NKAIN2: variants seen among roughly 807,000 people sequenced by gnomAD.
NKAIN2 encodes the protein sodium/potassium transporting ATPase interacting 2, also known as sodium/potassium-transporting ATPase subunit beta-1-interacting protein 2.
In NKAIN2, 14 loss-of-function variants were observed where a neutral mutation model predicts 32.6. The ratio of observed to expected loss-of-function variants is 0.43; its 90% CI spans 0.28 to 0.67. The LOEUF (loss-of-function observed/expected upper bound fraction) is 0.67. NKAIN2 is among the 30% of genes least tolerant of loss of function. The probability of loss-of-function intolerance (pLI) is 0.17; values close to 1 mark genes in which losing one functional copy is unlikely to be tolerated. For synonymous variants in NKAIN2, 80 were observed against 87.2 expected (o/e 0.92, Z 0.46); for missense variants, 198 against 258.3 (o/e 0.77, Z 1.60).
At chr6:123,930,057 G>C (rs1390083248) in intron 1 of NKAIN2, among the ~76,000 whole-genome samples, 2 of 152,138 alleles carry the variant, frequency 1.3e-5, no homozygotes, top group South Asian at 4.1e-4. Flanking sequence ...TCTTGGTCTT[G>C]TACAATGTTG....
At chr6:124,744,058 A>C (rs931970559) in intron 4 of NKAIN2, among the ~76,000 whole-genome samples, 1 of 151,930 alleles carries the variant, frequency 6.6e-6, no homozygotes, top group Non-Finnish European at 1.5e-5. Flanking sequence ...AAGTTATAGT[A>C]AGAAAATTTT....
chr6:124,429,100 G>T (rs1286600318), intron 3 of NKAIN2, among the ~76,000 whole-genome samples: 4 of 152,078 alleles, frequency 2.6e-5, no homozygotes, highest in African/African-American at 9.6e-5. Context: ...TGCAATGGTG[G>T]GATCTCTGCT....
At chr6:124,264,846 C>G (rs150882101) in intron 1 of NKAIN2, among the ~76,000 whole-genome samples, 343 of 152,294 alleles carry the variant, frequency 2.3e-3, no homozygotes, top group African/African-American at 7.8e-3. Context: ...TTGAACTTGT[C>G]TGTGCCAGCT....
chr6:123,858,361 C>G (rs1405121147), intron 1 of NKAIN2, among the ~76,000 whole-genome samples: 2 of 152,064 alleles, frequency 1.3e-5, no homozygotes, highest in Non-Finnish European at 2.9e-5. Context: ...GGTGATCTGC[C>G]CGCCTCGGCC....
chr6:124,578,317 G>A (rs1261597713), intron 3 of NKAIN2, among the ~76,000 whole-genome samples: 1 of 151,792 alleles, frequency 6.6e-6, no homozygotes, highest in African/African-American at 2.4e-5. Context: ...GACCTGCTCT[G>A]CTCTGGGTCA....
At chr6:123,911,882 AG>A (rs1433892089) in intron 1 of NKAIN2, among the ~76,000 whole-genome samples, 1 of 142,006 alleles carries the variant, frequency 7.0e-6, no homozygotes, top group Non-Finnish European at 1.5e-5. Flanking sequence ...CCAACCCCCA[AG>A]GGCATATTTT....
chr6:124,716,661 C>G (rs1775771166), intron 4 of NKAIN2, among the ~76,000 whole-genome samples: 1 of 152,138 alleles, frequency 6.6e-6, no homozygotes, highest in Admixed American at 6.6e-5. Flanking sequence ...CAAGAACACT[C>G]CAGTCTTAGG....
chr6:124,821,937 C>T (rs777968423), intron 6 of NKAIN2, among the ~76,000 whole-genome samples: 73 of 152,272 alleles, frequency 4.8e-4, no homozygotes, highest in African/African-American at 1.7e-3. Context: ...TGATTATCAA[C>T]GGGTTTTCCT....
chr6:123,984,012 G>T (rs1458420356), intron 1 of NKAIN2, among the ~76,000 whole-genome samples: 3 of 151,880 alleles, frequency 2.0e-5, no homozygotes, highest in Non-Finnish European at 4.4e-5. Flanking sequence ...GGTTCAAGCG[G>T]TTCTCCTGCC....
chr6:124,487,155 C>A (rs538536259), intron 3 of NKAIN2, among the ~76,000 whole-genome samples: 77 of 151,932 alleles, frequency 5.1e-4, no homozygotes, highest in African/African-American at 1.8e-3. Context: ...GTCAGTGTTC[C>A]CAGAGTTGTC....
chr6:124,174,593 T>C (rs563022316), intron 1 of NKAIN2, among the ~76,000 whole-genome samples: 104 of 152,302 alleles, frequency 6.8e-4, no homozygotes, highest in Admixed American at 1.6e-3. Context: ...CTCCACCCTT[T>C]TCTAATTCCT....
At chr6:124,597,237 A>C (rs1042045341) in intron 3 of NKAIN2, among the ~76,000 whole-genome samples, 6 of 152,200 alleles carry the variant, frequency 3.9e-5, no homozygotes, top group African/African-American at 1.4e-4. Flanking sequence ...GAGACATTTA[A>C]AAATAAACAG....
chr6:124,031,914 G>A (rs1781423549), intron 1 of NKAIN2, among the ~76,000 whole-genome samples: 1 of 151,938 alleles, frequency 6.6e-6, no homozygotes, highest in Non-Finnish European at 1.5e-5. Flanking sequence ...CCATTACCGG[G>A]TATATACCCA....
intron 1 of NKAIN2, among the ~76,000 whole-genome samples, chr6:124,236,088 G>C (rs1782047545): frequency 6.6e-6 from 1 of 151,966 alleles, no homozygotes; most frequent in Non-Finnish European, 1.5e-5. Context: ...ATAACATCTA[G>C]TAAAGACTAT....
chr6:124,079,752 C>A (rs930229531), intron 1 of NKAIN2, among the ~76,000 whole-genome samples: 3 of 152,066 alleles, frequency 2.0e-5, no homozygotes, highest in Non-Finnish European at 4.4e-5. Flanking sequence ...TTGTTCTGGG[C>A]ATGCCATTTA....
intron 1 of NKAIN2, among the ~76,000 whole-genome samples, chr6:123,843,594 C>T (rs538840282): frequency 1.4e-4 from 22 of 152,210 alleles, no homozygotes; most frequent in African/African-American, 5.1e-4. Flanking sequence ...GCTGTGAGTC[C>T]AGGCTTGAGG....
At chr6:124,731,763 A>G (rs1428758750) in intron 4 of NKAIN2, among the ~76,000 whole-genome samples, 3 of 152,028 alleles carry the variant, frequency 2.0e-5, no homozygotes, top group African/African-American at 7.2e-5. Flanking sequence ...TATTTTATAC[A>G]CTTTATCATA....
At chr6:124,326,503 A>G (rs1797418210) in intron 2 of NKAIN2, among the ~76,000 whole-genome samples, 1 of 151,900 alleles carries the variant, frequency 6.6e-6, no homozygotes, top group African/African-American at 2.4e-5. Flanking sequence ...TCAAAAGGTT[A>G]TCTCCTCAAT....
intron 5 of NKAIN2, among the ~76,000 whole-genome samples, chr6:124,802,577 C>G (rs572835307): frequency 1.3e-5 from 2 of 152,188 alleles, no homozygotes; most frequent in Non-Finnish European, 2.9e-5. Context: ...TCATAATTTT[C>G]TGACTCTAGC....
Sources: allele counts gnomAD v4.1 joint callset (sites outside exome capture counted in the v4.1 genomes callset), GRCh38; gene constraint gnomAD v4.1.1; transcripts MANE v1.5; gene names NCBI Gene and HGNC (gene_info 2026-07-23, HGNC 2026-07-21).